Variants in FSTL5 observed in about 807,000 individuals in gnomAD.
FSTL5 encodes the protein follistatin-related protein 5.
In FSTL5, 62 loss-of-function variants were observed where a neutral mutation model predicts 89.1. That is an observed-to-expected ratio of 0.70 (90% confidence interval 0.57 to 0.86). The LOEUF (loss-of-function observed/expected upper bound fraction) is 0.86. FSTL5 is among the 40% of genes least tolerant of loss of function. The pLI is 0.00. For synonymous variants in FSTL5, 383 were observed against 346.2 expected, an observed-to-expected ratio of 1.11 and a Z score of -1.18; for missense variants, 1,057 against 1,001.6, an observed-to-expected ratio of 1.06 and a Z score of -0.75.
At chr4:161,795,910 G>A (rs758925144) in intron 4 of FSTL5, among the ~76,000 whole-genome samples, 1 of 151,792 alleles carries the variant, frequency 6.6e-6, no homozygotes, top group African/African-American at 2.4e-5. Context: ...TATCATCATT[G>A]ATTTGGCTTT....
chr4:162,111,086 C>T (rs567477776), intron 2 of FSTL5, among the ~76,000 whole-genome samples, 185 bp downstream of exon 2: 3 of 151,792 alleles, frequency 2.0e-5, no homozygotes, highest in African/African-American at 4.8e-5. Context: ...AAGTAGTTCT[C>T]GAAATTGTAA....
At chr4:162,100,655 C>A (rs535588754) in intron 2 of FSTL5, among the ~76,000 whole-genome samples, 2 of 152,106 alleles carry the variant, frequency 1.3e-5, no homozygotes, top group South Asian at 4.2e-4. Context: ...CTATTACAAA[C>A]TATGAACTTT....
At chr4:162,060,685 T>C (rs1442860683) in intron 2 of FSTL5, among the ~76,000 whole-genome samples, 1 of 152,098 alleles carries the variant, frequency 6.6e-6, no homozygotes, top group Admixed American at 6.6e-5. Flanking sequence ...GAAACTTTTA[T>C]TATTTCACTT....
At chr4:161,673,539 A>G (rs906805475) in intron 6 of FSTL5, among the ~76,000 whole-genome samples, 3 of 152,080 alleles carry the variant, frequency 2.0e-5, no homozygotes, top group Admixed American at 2.0e-4. Context: ...CATCTTGTGA[A>G]AAACAAATCA....
chr4:162,140,325 T>C (rs1485839685), intron 1 of FSTL5, among the ~76,000 whole-genome samples: 1 of 152,192 alleles, frequency 6.6e-6, no homozygotes, highest in Non-Finnish European at 1.5e-5. Context: ...CAAATATTTA[T>C]AGTAACATTG....
intron 2 of FSTL5, among the ~76,000 whole-genome samples, chr4:162,093,746 ATTTG>A (rs1314741147): frequency 6.6e-6 from 1 of 152,194 alleles, no homozygotes; most frequent in Non-Finnish European, 1.5e-5. Context: ...AACTTCTGTG[ATTTG>A]TTTATCATTT....
intron 7 of FSTL5, among the ~76,000 whole-genome samples, chr4:161,606,240 ATTTTTTTTT>A (rs71598720): frequency 8.5e-4 from 100 of 117,862 alleles, no homozygotes; most frequent in Non-Finnish European, 1.0e-3. Context: ...ATTATCTGTG[ATTTTTTTTT>A]TTTTTTTTTT....
intron 3 of FSTL5, among the ~76,000 whole-genome samples, chr4:161,935,253 T>C (rs1183382215): frequency 3.3e-5 from 5 of 151,996 alleles, no homozygotes; most frequent in African/African-American, 9.7e-5. Flanking sequence ...AGAGAAACCT[T>C]TGGACACTAG....
chr4:161,800,091 G>A (rs1440836158), intron 4 of FSTL5, among the ~76,000 whole-genome samples: 1 of 151,540 alleles, frequency 6.6e-6, no homozygotes, highest in Non-Finnish European at 1.5e-5. Flanking sequence ...TTTTAACACT[G>A]TGGTAAGATT....
chr4:161,577,127 T>G (rs1367364904), intron 8 of FSTL5, among the ~76,000 whole-genome samples: 1 of 152,116 alleles, frequency 6.6e-6, no homozygotes, highest in Non-Finnish European at 1.5e-5. Flanking sequence ...ATTTGCCATG[T>G]TTTTTTGGCA....
chr4:161,616,275 G>A (rs1734865129), intron 7 of FSTL5, among the ~76,000 whole-genome samples: 1 of 151,906 alleles, frequency 6.6e-6, no homozygotes, highest in African/African-American at 2.4e-5. Flanking sequence ...TTTAGAGATG[G>A]GGTTTCACCA....
intron 6 of FSTL5, among the ~76,000 whole-genome samples, chr4:161,718,521 C>T (rs947030780): frequency 1.3e-5 from 2 of 151,994 alleles, no homozygotes; most frequent in Non-Finnish European, 2.9e-5. Flanking sequence ...CTCCGCCTCC[C>T]AGGTTCAAGC....
intron 4 of FSTL5, among the ~76,000 whole-genome samples, chr4:161,901,231 G>T (rs909107263): frequency 2.0e-4 from 31 of 151,360 alleles, no homozygotes; most frequent in African/African-American, 7.0e-4. Context: ...TAACATTTTT[G>T]ATAAGAATTT....
At chr4:162,097,917 T>A (rs919434226) in intron 2 of FSTL5, among the ~76,000 whole-genome samples, 2 of 151,908 alleles carry the variant, frequency 1.3e-5, no homozygotes, top group Non-Finnish European at 2.9e-5. Context: ...TTCTTATTTT[T>A]AAAAATGCCT....
In FSTL5 at chr4:161,529,763, C is replaced by A. The variant is rs1014012554; in HGVS notation, c.1312+8403G>T. ...TCATCACTATCAGGATAAAATCCTA[C>A]CCGGCTGTGATGTCTGCACTTTATC... On this transcript the variant is annotated intron_variant, in intron 10 of 15. Coordinates refer to ENST00000306100, the MANE Select transcript of FSTL5 (RefSeq NM_020116.5). Among the ~76,000 whole-genome samples the A allele has an allele frequency of 4.2e-5, 6 of 142,208 alleles. 1 individual carries two copies. Among genetic ancestry groups the A allele is most frequent in the Non-Finnish European group, 9.2e-5 (6 of 64,876 alleles). 93.3% of individuals were successfully genotyped at this position (142,208 alleles called of 152,430 possible). A position where few individuals can be genotyped will look rare whatever the true frequency, so the allele number is the denominator to read the frequency against.
intron 6 of FSTL5, among the ~76,000 whole-genome samples, chr4:161,669,123 A>AAAT (rs1553956608): frequency 1.3e-4 from 19 of 144,156 alleles, no homozygotes; most frequent in Non-Finnish European, 2.4e-4. Context: ...AAAAAAAAAA[A>AAAT]AAAATAAAAT....
chr4:162,033,563 A>C, intron 3 of FSTL5, 62 bp downstream of exon 3: 1 of 836,936 alleles, frequency 1.2e-6, no homozygotes, highest in Non-Finnish European at 1.9e-6. Flanking sequence ...GTAGCATCAC[A>C]TATCTTTTTT....
chr4:161,912,919 G>A (rs1733736583), intron 4 of FSTL5, among the ~76,000 whole-genome samples: 4 of 152,128 alleles, frequency 2.6e-5, no homozygotes, highest in Admixed American at 2.6e-4. Context: ...TGGAGCAAAG[G>A]TGACTCTTTT....
At chr4:162,104,455 G>A (rs905776517) in intron 2 of FSTL5, among the ~76,000 whole-genome samples, 2 of 152,142 alleles carry the variant, frequency 1.3e-5, no homozygotes, top group African/African-American at 4.8e-5. Flanking sequence ...AGCTCTGAGA[G>A]CAAGGACCCA....
Sources: gnomAD v4.1 joint callset for allele counts (sites outside exome capture counted in the v4.1 genomes callset) on GRCh38, gnomAD v4.1.1 for gene constraint, MANE v1.5 for transcripts, NCBI Gene and HGNC (gene_info 2026-07-23, HGNC 2026-07-21) for gene names.